ETFA: variants seen among roughly 807,000 people sequenced by gnomAD.
ETFA encodes electron transfer flavoprotein subunit alpha.
ETFA carries 22 observed loss-of-function variants against 46.2 expected under a neutral mutation model. That is an observed-to-expected ratio of 0.48 (90% CI 0.34 to 0.68). The LOEUF is 0.68. Ranked by LOEUF, ETFA falls within the 30% of genes least tolerant of loss-of-function variation. The pLI is 0.01. For missense variants in ETFA, 345 were observed against 401.1 expected, an observed-to-expected ratio of 0.86 and a Z score of 1.19; for synonymous variants, 131 against 139.9, an observed-to-expected ratio of 0.94 and a Z score of 0.45.
At chr15:76,222,689 A>G (rs1335025563) in intron 11 of ETFA, among the ~76,000 whole-genome samples, 3 of 151,656 alleles carry the variant, frequency 2.0e-5, no homozygotes, top group Non-Finnish European at 4.4e-5. Flanking sequence ...AGTTGTGCCC[A>G]TAACCTGTGG....
At chr15:76,307,798 TTTAAGTG>T (rs1380484000) in intron 1 of ETFA, among the ~76,000 whole-genome samples, 1 of 152,174 alleles carries the variant, frequency 6.6e-6, no homozygotes, top group Non-Finnish European at 1.5e-5. Context: ...CTTAACCATT[TTTAAGTG>T]TTAAGTGTTA....
intron 9 of ETFA, among the ~76,000 whole-genome samples, chr15:76,256,235 G>T (rs1401710515): frequency 7.2e-6 from 1 of 139,624 alleles, no homozygotes; most frequent in East Asian, 2.0e-4. Context: ...TCCAGCCTGG[G>T]CAATAAGAGT....
intron 9 of ETFA, among the ~76,000 whole-genome samples, chr15:76,249,632 G>A (rs948391134): frequency 3.2e-4 from 48 of 151,342 alleles, no homozygotes; most frequent in African/African-American, 4.6e-4. Flanking sequence ...TAGTAGAGAC[G>A]GGGTTTCACT....
At chr15:76,275,182 C>G (rs895388624) in intron 8 of ETFA, among the ~76,000 whole-genome samples, 1 of 152,170 alleles carries the variant, frequency 6.6e-6, no homozygotes, top group African/African-American at 2.4e-5. Context: ...AACCCATACA[C>G]TGATCCCCAT....
intron 9 of ETFA, among the ~76,000 whole-genome samples, chr15:76,263,115 T>A (rs545431715): frequency 1.3e-5 from 2 of 152,368 alleles, no homozygotes; most frequent in East Asian, 1.9e-4. Context: ...TTGCTTGATA[T>A]ACCACTTCCT....
intron 9 of ETFA, among the ~76,000 whole-genome samples, chr15:76,234,679 G>T (rs2039105216): frequency 6.6e-6 from 1 of 152,150 alleles, no homozygotes; most frequent in African/African-American, 2.4e-5. Context: ...GAAGAGAATG[G>T]ATCAACCCCA....
chr15:76,237,760 C>G (rs189224665), intron 9 of ETFA, among the ~76,000 whole-genome samples: 1 of 152,134 alleles, frequency 6.6e-6, no homozygotes, highest in African/African-American at 2.4e-5. Context: ...GAAAAGGAGA[C>G]AGCCAACTGT....
intron 9 of ETFA, among the ~76,000 whole-genome samples, chr15:76,270,562 T>A (rs537216353): frequency 1.3e-5 from 2 of 152,158 alleles, no homozygotes; most frequent in Non-Finnish European, 2.9e-5. Context: ...TCAATAGCAA[T>A]GAACATAACT....
At chr15:76,267,311 C>T (rs563435354) in intron 9 of ETFA, among the ~76,000 whole-genome samples, 2 of 152,154 alleles carry the variant, frequency 1.3e-5, no homozygotes, top group African/African-American at 4.8e-5. Flanking sequence ...GTAGGACAAG[C>T]GAGGCTGCGC....
At chr15:76,265,016 C>T (rs2039455869) in intron 9 of ETFA, among the ~76,000 whole-genome samples, 1 of 152,198 alleles carries the variant, frequency 6.6e-6, no homozygotes, top group Non-Finnish European at 1.5e-5. Context: ...GCCTTCGGCC[C>T]CTCAACAAAC....
intron 4 of ETFA, among the ~76,000 whole-genome samples, chr15:76,289,279 T>A (rs987243349): frequency 6.6e-6 from 1 of 152,176 alleles, no homozygotes; most frequent in Admixed American, 6.5e-5. Context: ...TTGTCAGTAT[T>A]TAAAGCTAGC....
At chr15:76,298,060 TG>T (rs749712286) in intron 1 of ETFA, among the ~76,000 whole-genome samples, 75 of 150,990 alleles carry the variant, frequency 5.0e-4, no homozygotes, top group East Asian at 3.5e-3. Flanking sequence ...TTTTTTTTTT[TG>T]AGAGAGAGTC....
chr15:76,286,648 CA>C (rs1421063865), intron 5 of ETFA, among the ~76,000 whole-genome samples, 167 bp from the exon 6 acceptor site: 8 of 152,150 alleles, frequency 5.3e-5, no homozygotes, highest in African/African-American at 1.9e-4. Context: ...GGTGAAGAAA[CA>C]TATCAGCAGA....
intron 11 of ETFA, among the ~76,000 whole-genome samples, chr15:76,221,668 T>C (rs534453603): frequency 1.3e-5 from 2 of 152,304 alleles, no homozygotes; most frequent in African/African-American, 4.8e-5. Flanking sequence ...TTAATCTTCA[T>C]TACAACCTTT....
At chr15:76,294,952 T>C (rs1226903048) in intron 2 of ETFA, among the ~76,000 whole-genome samples, 1 of 152,174 alleles carries the variant, frequency 6.6e-6, no homozygotes, top group Non-Finnish European at 1.5e-5. Context: ...GCAACTCCTA[T>C]ACCATGTGAG....
intron 11 of ETFA, among the ~76,000 whole-genome samples, chr15:76,221,885 T>G (rs1324475815): frequency 6.6e-6 from 1 of 152,194 alleles, no homozygotes; most frequent in Non-Finnish European, 1.5e-5. Flanking sequence ...ACAATTAATA[T>G]AAGAGAATAA....
At chr15:76,267,891 C>G (rs982809674) in intron 9 of ETFA, among the ~76,000 whole-genome samples, 1 of 152,200 alleles carries the variant, frequency 6.6e-6, no homozygotes, top group Admixed American at 6.5e-5. Flanking sequence ...TTGCTTGTGT[C>G]TCTCCAGGTG....
At chr15:76,295,786 G>A (rs375701534) in intron 1 of ETFA, 49 bp from the exon 2 acceptor site, 8 of 1,102,474 alleles carry the variant, frequency 7.3e-6, no homozygotes, top group Non-Finnish European at 1.0e-5. Flanking sequence ...TTGTCACAGG[G>A]TTTTTTTTTT....
intron 9 of ETFA, among the ~76,000 whole-genome samples, chr15:76,266,196 A>G (rs2039468540): frequency 6.6e-6 from 1 of 152,172 alleles, no homozygotes; most frequent in African/African-American, 2.4e-5. Context: ...TGACTCCAAA[A>G]TACTAGCCTC....
Sources: allele counts gnomAD v4.1 joint callset (sites outside exome capture counted in the v4.1 genomes callset), GRCh38; gene constraint gnomAD v4.1.1; transcripts MANE v1.5; gene names NCBI Gene and HGNC (gene_info 2026-07-23, HGNC 2026-07-21).